The following PIP5K1B variants were observed in gnomAD, a reference collection of about 807,000 sequenced individuals.
The protein encoded by PIP5K1B is phosphatidylinositol 4-phosphate 5-kinase type-1 beta.
Under a neutral mutation model 67.0 loss-of-function variants are expected in PIP5K1B, and 42 were observed. The observed-to-expected ratio is 0.63, with a 90% confidence interval of 0.49 to 0.81. The LOEUF (loss-of-function observed/expected upper bound fraction) is 0.81, where lower values mean the gene tolerates loss of function less well. Ranked by LOEUF, PIP5K1B falls within the 30% of genes least tolerant of loss-of-function variation. The pLI is 0.00. For missense variants in PIP5K1B, 459 were observed against 646.3 expected (o/e 0.71, Z 3.14); for synonymous variants, 214 against 231.4 (o/e 0.92, Z 0.68).
intron 2 of PIP5K1B, among the ~76,000 whole-genome samples, chr9:68,794,021 A>C (rs1832148933): frequency 2.0e-5 from 3 of 152,242 alleles, no homozygotes; most frequent in Admixed American, 2.0e-4. Context: ...ACATGAGAGA[A>C]GATGGAGTGA....
intron 15 of PIP5K1B, among the ~76,000 whole-genome samples, chr9:69,005,734 T>G (rs951747464): frequency 6.6e-6 from 1 of 152,166 alleles, no homozygotes; most frequent in Non-Finnish European, 1.5e-5. Flanking sequence ...CATAGTCATC[T>G]GGCCCAAGCT....
chr9:68,893,499 A>G (rs1824914467), intron 7 of PIP5K1B, among the ~76,000 whole-genome samples: 1 of 151,866 alleles, frequency 6.6e-6, no homozygotes, highest in Non-Finnish European at 1.5e-5. Flanking sequence ...AGGCCAGGCT[A>G]ATTTTTTAAT....
chr9:68,788,154 C>T (rs1184250489), intron 2 of PIP5K1B, among the ~76,000 whole-genome samples: 2 of 152,182 alleles, frequency 1.3e-5, no homozygotes, highest in South Asian at 2.1e-4. Flanking sequence ...TGACCCTTTC[C>T]TCCCTTGATT....
chr9:68,919,909 G>C (rs1211770562), intron 11 of PIP5K1B, among the ~76,000 whole-genome samples, 180 bp downstream of exon 11: 2 of 152,188 alleles, frequency 1.3e-5, no homozygotes, highest in African/African-American at 2.4e-5. Flanking sequence ...ACATAAATTT[G>C]AATAGCTCTT....
chr9:68,980,458 A>C (rs141573456), intron 14 of PIP5K1B, among the ~76,000 whole-genome samples: 1 of 152,340 alleles, frequency 6.6e-6, no homozygotes, highest in Non-Finnish European at 1.5e-5. Flanking sequence ...ATTCTTTCCA[A>C]GGTCTTACGA....
At chr9:68,997,185 T>A (rs2132997862) in intron 15 of PIP5K1B, among the ~76,000 whole-genome samples, 1 of 152,344 alleles carries the variant, frequency 6.6e-6, no homozygotes, top group African/African-American at 2.4e-5. Context: ...CTTATCATAC[T>A]ATTATGTATG....
chr9:68,901,254 G>A (rs976711893), intron 8 of PIP5K1B, among the ~76,000 whole-genome samples: 2 of 152,046 alleles, frequency 1.3e-5, no homozygotes, highest in Non-Finnish European at 2.9e-5. Context: ...TAAATTACTT[G>A]TTTTGTTTTT....
chr9:68,863,838 C>G lies in PIP5K1B; in HGVS notation c.71C>G (p.Thr24Ser). 1 of 1,613,402 alleles carries G rather than the reference C, an allele frequency of 6.2e-7. No individual in the cohort carries two copies. Among genetic ancestry groups the G allele is most frequent in the Non-Finnish European group, 8.5e-7 (1 of 1,179,608 alleles). The change falls in exon 5 of 16, where the codon ACT becomes AGT. Residue 24 changes from threonine (T) to serine (S), a missense_variant and splice_region_variant. By Grantham distance (58) the Thr-to-Ser change is moderately conservative. Around this residue, in one of 2 missense-constraint regions of PIP5K1B, gnomAD observed 290 missense variants for 474.4 expected, o/e 0.61. Coordinates refer to ENST00000265382, the MANE Select transcript of PIP5K1B (RefSeq NM_003558.4). Reference sequence around the variant, plus strand: ...TTGAGACCCTTGTTTTCTTTGCAGACTGCATCATCTGCTATTAAAGGTGCT... The same window carrying G: ...TTGAGACCCTTGTTTTCTTTGCAGAGTGCATCATCTGCTATTAAAGGTGCT... ...KQNEEKTYKK[T>S]ASSAIKGAIQ...
At chr9:68,815,858 G>A (rs10124098) in intron 2 of PIP5K1B, among the ~76,000 whole-genome samples, 8,078 of 151,806 alleles carry the variant, frequency 0.053, 411 homozygotes, top group African/African-American at 0.13. Flanking sequence ...AGAAATATAA[G>A]GATTTATATT....
chr9:68,974,695 G>C (rs540983576), intron 14 of PIP5K1B, among the ~76,000 whole-genome samples: 1 of 152,316 alleles, frequency 6.6e-6, no homozygotes, highest in South Asian at 2.1e-4. Flanking sequence ...CTGTCATTCT[G>C]CACCTCTTTG....
At chr9:68,867,617 AGTATCATGATT>A (rs1300236589) in intron 5 of PIP5K1B, among the ~76,000 whole-genome samples, 1 of 152,246 alleles carries the variant, frequency 6.6e-6, no homozygotes, top group African/African-American at 2.4e-5. Context: ...GGATAAATTT[AGTATCATGATT>A]GTGGTGATGG....
intron 1 of PIP5K1B, among the ~76,000 whole-genome samples, chr9:68,721,092 C>T (rs1827858589): frequency 6.6e-6 from 1 of 152,086 alleles, no homozygotes; most frequent in Admixed American, 6.6e-5. Context: ...TAAGATAGGG[C>T]TGGAGAGGTG....
chr9:68,853,774 G>A (rs528505061), intron 4 of PIP5K1B, among the ~76,000 whole-genome samples: 24 of 152,234 alleles, frequency 1.6e-4, no homozygotes, highest in South Asian at 1.2e-3. Context: ...AGCCATTTGC[G>A]GGGGAGAACT....
intron 13 of PIP5K1B, among the ~76,000 whole-genome samples, chr9:68,939,129 C>G (rs1458903612): frequency 6.6e-6 from 1 of 152,170 alleles, no homozygotes; most frequent in Non-Finnish European, 1.5e-5. Context: ...CATTACGGGT[C>G]ATCTTAGAGT....
At chr9:68,932,707 T>TATG (rs1308675996) in intron 12 of PIP5K1B, among the ~76,000 whole-genome samples, 3 of 152,146 alleles carry the variant, frequency 2.0e-5, no homozygotes, top group African/African-American at 7.2e-5. Context: ...AATAATGTCT[T>TATG]ATGATGATGA....
intron 2 of PIP5K1B, among the ~76,000 whole-genome samples, chr9:68,770,923 A>G (rs1404040217): frequency 6.6e-6 from 1 of 152,228 alleles, no homozygotes; most frequent in Non-Finnish European, 1.5e-5. Context: ...ACTATATATG[A>G]CAGTCTGGAA....
At chr9:68,979,397 A>G (rs1282698498) in intron 14 of PIP5K1B, among the ~76,000 whole-genome samples, 2 of 152,240 alleles carry the variant, frequency 1.3e-5, no homozygotes, top group Non-Finnish European at 2.9e-5. Context: ...TGCTAGCTTT[A>G]CACCTGTGCT....
chr9:68,965,991 A>G (rs1212242448), intron 14 of PIP5K1B, among the ~76,000 whole-genome samples: 1 of 151,682 alleles, frequency 6.6e-6, no homozygotes, highest in Non-Finnish European at 1.5e-5. Flanking sequence ...AAAAAAAAAA[A>G]AGCTATTTGT....
chr9:68,881,587 C>T (rs1227696313), intron 6 of PIP5K1B, among the ~76,000 whole-genome samples: 1 of 152,220 alleles, frequency 6.6e-6, no homozygotes, highest in African/African-American at 2.4e-5. Context: ...TTTGCTGTTG[C>T]ATCTGGATTC....
Sources: gnomAD v4.1 joint callset for allele counts (sites outside exome capture counted in the v4.1 genomes callset) on GRCh38, gnomAD v4.1.1 for gene constraint, gnomAD v4.1.1 regional missense constraint, MANE v1.5 for transcripts, NCBI Gene and HGNC (gene_info 2026-07-23, HGNC 2026-07-21) for gene names.